PDPK1: variants seen among roughly 807,000 people sequenced by gnomAD.
PDPK1 encodes the protein 3-phosphoinositide-dependent protein kinase 1.
PDPK1 carries 7 observed loss-of-function variants against 39.8 expected under a neutral mutation model. The ratio of observed to expected loss-of-function variants is 0.18; its 90% CI spans 0.10 to 0.33. The LOEUF is 0.33. Among genes scored for constraint, PDPK1 ranks in the 10% least tolerant of loss-of-function variants. The probability of loss-of-function intolerance (pLI) is 1.00; values close to 1 mark genes in which losing one functional copy is unlikely to be tolerated. For synonymous variants in PDPK1, 118 were observed against 159.1 expected (o/e 0.74, Z 1.95); for missense variants, 182 against 384.7 (o/e 0.47, Z 4.41).
At chr16:2,588,315 G>A (rs538922254) in intron 11 of PDPK1, among the ~76,000 whole-genome samples, 56 of 152,308 alleles carry the variant, frequency 3.7e-4, no homozygotes, top group African/African-American at 1.3e-3. Context: ...AATCTGAGCC[G>A]TGCTGTGCTG....
At chr16:2,596,692 G>A (rs1487148305) in intron 12 of PDPK1, among the ~76,000 whole-genome samples, 1 of 152,200 alleles carries the variant, frequency 6.6e-6, no homozygotes, top group South Asian at 2.1e-4. Flanking sequence ...ACCAGTAACT[G>A]TTAGCTTTAA....
intron 11 of PDPK1, chr16:2,592,510 C>T (rs748053189): frequency 3.1e-6 from 1 of 327,788 alleles, no homozygotes; most frequent in Non-Finnish European, 5.9e-6. Flanking sequence ...CCTGTCTCTA[C>T]TAAAATTACC....
Position 2,597,128 on chromosome 16 carries a change from A to T in PDPK1, c.1407A>T (p.Leu469Phe). 6.4e-7 allele frequency: 1 copy of T among 1,559,330 alleles called. No individual in the cohort carries two copies. Among genetic ancestry groups the T allele is most frequent in the South Asian group, 1.2e-5 (1 of 84,814 alleles). The change falls in exon 13 of 14, where the codon TTA becomes TTT. Residue 469 changes from leucine (L) to phenylalanine (F), a missense_variant. By Grantham distance (22) the Leu-to-Phe change is conservative. Around this residue, in one of 5 missense-constraint regions of PDPK1, gnomAD observed 90 missense variants for 111.9 expected, o/e 0.80. Coordinates refer to ENST00000342085, the MANE Select transcript of PDPK1 (RefSeq NM_002613.5). This position sits in a 1 kb window ranked among gnomAD's most constrained non-coding sequence, Gnocchi z 6.3. ...KMGPVDKRKG[L>F]FARRRQLLLT... is the part of the protein sequence containing the mutation. ...GTTTTGTGTTTTGGCGTCAGGGTTT[A>T]TTTGCAAGACGACGACAGCTGTTGC...
chr16:2,592,082 G>A (rs2067000472), intron 11 of PDPK1, among the ~76,000 whole-genome samples: 1 of 152,224 alleles, frequency 6.6e-6, no homozygotes, highest in African/African-American at 2.4e-5. Flanking sequence ...GCGGGGCTCT[G>A]GGTCCTTGCT....
intron 11 of PDPK1, 46 bp downstream of exon 11, chr16:2,586,939 G>C: frequency 6.6e-7 from 1 of 1,523,004 alleles, no homozygotes; most frequent in East Asian, 2.2e-5. Context: ...GAATTGCAGC[G>C]TGAACACGTG....
chr16:2,587,549 C>A (rs2066902747), intron 11 of PDPK1, among the ~76,000 whole-genome samples: 1 of 152,102 alleles, frequency 6.6e-6, no homozygotes, highest in Admixed American at 6.5e-5. Context: ...TGCTCTGTCA[C>A]CCAGGCTGGA....
chr16:2,546,114 C>T (rs1185267245), intron 1 of PDPK1, among the ~76,000 whole-genome samples: 1 of 151,916 alleles, frequency 6.6e-6, no homozygotes, highest in African/African-American at 2.4e-5. Context: ...GATGGAGTCT[C>T]ACTCTGTCAC....
In PDPK1 at chr16:2,597,871, G is replaced by A; in HGVS notation, c.*104G>A. On this transcript the variant is annotated 3_prime_UTR_variant, in exon 14 of 14. Transcript: ENST00000342085. The surrounding 1 kb of genome is among the most constrained non-coding windows in gnomAD (Gnocchi z 6.3). ...AGACCACCTGCCAGCCATCACAAGGGGAACGCAGAGGCGGAAACCTTGCAG... is the reference window on the plus strand; with the variant it reads ...AGACCACCTGCCAGCCATCACAAGGAGAACGCAGAGGCGGAAACCTTGCAG... The A allele has an allele frequency of 1.4e-6, 1 of 691,850 alleles. No homozygotes were observed. The highest frequency in any genetic ancestry group is 1.7e-5 in the South Asian group (1 of 58,524). The allele number at this position is 691,850 out of a possible 1,614,324, so 42.9% of individuals were successfully genotyped here. A position where few individuals can be genotyped will look rare whatever the true frequency, so the allele number is the denominator to read the frequency against.
chr16:2,539,197 A>C, intron 1 of PDPK1: 1 of 166,260 alleles, frequency 6.0e-6, no homozygotes, highest in Non-Finnish European at 1.3e-5. Flanking sequence ...CTCCTGCCAC[A>C]GCCTCCTGAG....
intron 1 of PDPK1, among the ~76,000 whole-genome samples, chr16:2,541,840 A>G (rs2066250837): frequency 6.6e-6 from 1 of 152,100 alleles, no homozygotes; most frequent in South Asian, 2.1e-4. Flanking sequence ...TATTGAGAAC[A>G]GGTTGTATGT....
chr16:2,585,795 A>G (rs1209288701), intron 10 of PDPK1, among the ~76,000 whole-genome samples: 2 of 152,212 alleles, frequency 1.3e-5, no homozygotes, highest in East Asian at 1.9e-4. Context: ...GAGTGTGAAC[A>G]CATGGGGGAC....
At chr16:2,596,901 C>T (rs756329928) in intron 12 of PDPK1, among the ~76,000 whole-genome samples, 2 of 152,150 alleles carry the variant, frequency 1.3e-5, no homozygotes, top group African/African-American at 2.4e-5. Context: ...TCTGGATGGG[C>T]TGTCTGCGCC....
At chr16:2,595,199 C>T (rs1226886850) in intron 11 of PDPK1, among the ~76,000 whole-genome samples, 3 of 152,162 alleles carry the variant, frequency 2.0e-5, no homozygotes, top group African/African-American at 7.2e-5. Context: ...AAATTAAAGC[C>T]TCTATGTGAA....
At chr16:2,558,037 C>T (rs540349985) in intron 2 of PDPK1, 74 bp downstream of exon 2, 68 of 1,571,922 alleles carry the variant, frequency 4.3e-5, no homozygotes, top group African/African-American at 1.5e-4. Context: ...CGGGGCTTGC[C>T]GGAGACTCCA....
At chr16:2,588,592 C>T (rs535005195) in intron 11 of PDPK1, among the ~76,000 whole-genome samples, 59 of 152,212 alleles carry the variant, frequency 3.9e-4, no homozygotes, top group Admixed American at 8.5e-4. Flanking sequence ...CTGGTGATGG[C>T]GGCAAGTCAG....
At chr16:2,544,169 G>C (rs1233826045) in intron 1 of PDPK1, among the ~76,000 whole-genome samples, 1 of 152,190 alleles carries the variant, frequency 6.6e-6, no homozygotes, top group African/African-American at 2.4e-5. Context: ...GTCAACCTAT[G>C]GTTGGGGATG....
In PDPK1 at chr16:2,599,397, C is replaced by CT. The variant is rs2067167455; in HGVS notation, c.*1635dup. 1 of 233,418 alleles carries CT rather than the reference C, an allele frequency of 4.3e-6. No homozygotes were observed. The highest frequency in any genetic ancestry group is 2.2e-5 in the African/African-American group (1 of 45,496). 14.5% of individuals were successfully genotyped at this position (233,418 alleles called of 1,614,324 possible). On this transcript the variant is annotated 3_prime_UTR_variant, in exon 14 of 14. Transcript: ENST00000342085. ...TACACTGCTAATGACGAGAGTGGCTCTTTTTAGCTAGGCGAGTACAGACGG... is the reference window on the plus strand; with the variant it reads ...TACACTGCTAATGACGAGAGTGGCTCTTTTTTAGCTAGGCGAGTACAGACGG...
chr16:2,540,705 G>A (rs1463046250), intron 1 of PDPK1, among the ~76,000 whole-genome samples: 1 of 152,184 alleles, frequency 6.6e-6, no homozygotes, highest in Non-Finnish European at 1.5e-5. Flanking sequence ...GCCTGTTTCA[G>A]CCTCCTGCTG....
intron 11 of PDPK1, chr16:2,592,900 C>A (rs947347464): frequency 2.2e-6 from 1 of 456,466 alleles, no homozygotes; most frequent in African/African-American, 2.0e-5. Flanking sequence ...GGCGCCTGTC[C>A]GTGGGGCCCT....
Sources: allele counts gnomAD v4.1 joint callset (sites outside exome capture counted in the v4.1 genomes callset), GRCh38; gene constraint gnomAD v4.1.1; regional missense constraint gnomAD v4.1.1; non-coding constraint Gnocchi (gnomAD v3.1); transcripts MANE v1.5; gene names NCBI Gene and HGNC (gene_info 2026-07-23, HGNC 2026-07-21).